RCN3: variants seen among roughly 807,000 people sequenced by gnomAD.
The protein encoded by RCN3 is reticulocalbin-3.
A neutral mutation model predicts 35.9 loss-of-function variants in RCN3; 41 were observed. The observed-to-expected ratio is 1.14, with a 90% CI of 0.89 to 1.48. RCN3 has a LOEUF of 1.48. Among genes scored for constraint, RCN3 ranks in the 40% most tolerant of loss-of-function variants. The probability of loss-of-function intolerance (pLI) is 0.00; values close to 1 mark genes in which losing one functional copy is unlikely to be tolerated. For synonymous variants in RCN3, 187 were observed against 193.4 expected (o/e 0.97, Z 0.27); for missense variants, 451 against 471.3 (o/e 0.96, Z 0.40).
At chr19:49,536,454 C>G (rs1364212480) in intron 3 of RCN3, among the ~76,000 whole-genome samples, 1 of 150,792 alleles carries the variant, frequency 6.6e-6, no homozygotes, top group Non-Finnish European at 1.5e-5. Flanking sequence ...GCGCCCACCA[C>G]CATGCCAGGC....
At position 49,543,444 on chromosome 19, in the gene RCN3, T is replaced by C. The variant is rs2080173554; in HGVS notation, c.*231T>C. ...AGGATAAGCAATACCTATTTCTGACTGAGTCTCCCAGCCCAGACCCAGGGA... is the reference window on the plus strand; with the variant it reads ...AGGATAAGCAATACCTATTTCTGACCGAGTCTCCCAGCCCAGACCCAGGGA... On this transcript the variant is annotated 3_prime_UTR_variant, in exon 7 of 7. Transcript: ENST00000270645. 7.2e-6 allele frequency: 4 copies of C among 557,262 alleles called. No individual in the cohort carries two copies. The highest frequency in any genetic ancestry group is 9.7e-6 in the Non-Finnish European group (3 of 309,496). 34.5% of individuals were successfully genotyped at this position (557,262 alleles called of 1,614,324 possible).
intron 2 of RCN3, 100 bp from the exon 3 acceptor site, chr19:49,534,093 T>G: frequency 5.0e-6 from 6 of 1,207,294 alleles, no homozygotes; most frequent in Non-Finnish European, 6.6e-6. Context: ...GACTGTATTT[T>G]CAGCCCCGGA....
chr19:49,542,654 C>G lies in RCN3; in HGVS notation c.781C>G (p.Leu261Val). The G allele has an allele frequency of 3.1e-6, 5 of 1,603,928 alleles. No homozygotes were observed. Among genetic ancestry groups the G allele is most frequent in the Non-Finnish European group, 4.3e-6 (5 of 1,176,362 alleles). Reference protein sequence around the residue: ...DFRDLNKDGHLDGSEVGHWVL... With the variant: ...DFRDLNKDGHVDGSEVGHWVL... ...CCGGGATCTGAACAAGGATGGGCACCTGGATGGGAGTGAGGTGGGCCACTG... is the reference window on the plus strand; with the variant it reads ...CCGGGATCTGAACAAGGATGGGCACGTGGATGGGAGTGAGGTGGGCCACTG... The change falls in exon 6 of 7, where the codon CTG (leucine) becomes GTG (valine). Residue 261 changes from leucine (L) to valine (V), a missense_variant. Physicochemically the swap from Leu to Val is conservative, Grantham distance 32 (BLOSUM62 1). Coordinates refer to ENST00000270645, the MANE Select transcript of RCN3 (RefSeq NM_020650.3).
chr19:49,542,405 C>G, intron 5 of RCN3, 148 bp from the exon 6 acceptor site: 2 of 581,640 alleles, frequency 3.4e-6, no homozygotes, highest in South Asian at 4.5e-5. Flanking sequence ...CTAATTCCAT[C>G]GAAACAGAAG....
At position 49,528,619 on chromosome 19, in the gene RCN3, C is replaced by T. The variant is rs142006433; in HGVS notation, c.147C>T (p.His49=). ...GCGACGCTCCCCATGATGACGCCCA[C>T]GGGAACTTCCAGTACGACCATGAGG... ...PLSDAPHDDA[H]GNFQYDHEAF... The change falls in exon 2 of 7, where the codon CAC becomes CAT. Residue 49 remains histidine (H), a synonymous_variant. Coordinates refer to ENST00000270645, the MANE Select transcript of RCN3 (RefSeq NM_020650.3). The T allele has an allele frequency of 2.4e-4, 388 of 1,612,170 alleles. 2 individuals carry two copies. In the African/African-American group the frequency reaches 4.8e-3, roughly 20 times the overall value.
Position 49,534,358 on chromosome 19 carries a change from G to A in RCN3, c.408G>A (p.Glu136=). ...DTDRDGRVGW[E]ELRNATYGHY... ...ACCGCGACGGGCGTGTGGGTTGGGA[G>A]GAGCTGCGCAACGCCACCTATGGCC... is the stretch of plus-strand genomic sequence containing the variant. Residue 136 remains glutamate (E), a synonymous_variant, in exon 3 of 7, where the codon GAG becomes GAA. Coordinates refer to ENST00000270645, the MANE Select transcript of RCN3 (RefSeq NM_020650.3). The A allele has an allele frequency of 6.5e-7, 1 of 1,536,540 alleles. No individual in the cohort carries two copies. The highest frequency in any genetic ancestry group is 8.8e-7 in the Non-Finnish European group (1 of 1,142,706).
rs544544850 is a variant in RCN3, at chr19:49,537,655, C to T, written c.618+450C>T. The stretch of plus-strand genomic sequence containing the variant: ...CCGAGTAGCTGGGATTACAGGGGCG[C>T]ACCACCACACCTGGCTAATTTTTAG... On this transcript the variant is annotated intron_variant, in intron 4 of 6. Transcript: ENST00000270645. Among the ~76,000 whole-genome samples the T allele has an allele frequency of 7.2e-5, 11 of 151,892 alleles. No individual in the cohort carries two copies. The South Asian group carries it at 2.3e-3, about 32-fold the overall frequency.
At chr19:49,528,919 T>C (rs547210676) in intron 2 of RCN3, among the ~76,000 whole-genome samples, 6 of 152,232 alleles carry the variant, frequency 3.9e-5, no homozygotes, top group Admixed American at 3.9e-4. Context: ...TGGTGGCTCA[T>C]GCCTGTAATC....
intron 2 of RCN3, among the ~76,000 whole-genome samples, chr19:49,533,647 A>AGCACGGGGCTCT (rs1244160679): frequency 2.0e-5 from 3 of 147,480 alleles, no homozygotes; most frequent in African/African-American, 7.5e-5. Context: ...CACGGGGCTC[A>AGCACGGGGCTCT]GCACAGGGCA....
chr19:49,539,126 T>G lies in RCN3; in HGVS notation c.626T>G (p.Leu209Arg). The G allele has an allele frequency of 6.2e-7, 1 of 1,604,634 alleles. No individual in the cohort carries two copies. Among genetic ancestry groups the G allele is most frequent in the Non-Finnish European group, 8.5e-7 (1 of 1,176,822 alleles). ...HMRDIVIAET[L>R]EDLDRNKDGY... Reference sequence around the variant, plus strand: ...TGCCCCTTTCTCCTCCAGGAAACCCTGGAGGACCTGGACAGAAACAAAGAT... The same window carrying G: ...TGCCCCTTTCTCCTCCAGGAAACCCGGGAGGACCTGGACAGAAACAAAGAT... Residue 209 changes from leucine (L) to arginine (R), a missense_variant, in exon 5 of 7, where the codon CTG becomes CGG. Physicochemically the swap from Leu to Arg is moderately radical, Grantham distance 102. Transcript: ENST00000270645.
chr19:49,542,684 C>G lies in RCN3; in HGVS notation c.811C>G (p.Leu271Val), dbSNP rs34218348. ...LDGSEVGHWV[L>V]PPAQDQPLVE... ...TGGGAGTGAGGTGGGCCACTGGGTG[C>G]TGCCCCCTGCCCAGGACCAGCCCCT... Residue 271 changes from leucine (L) to valine (V), a missense_variant, in exon 6 of 7, where the codon CTG (leucine) becomes GTG (valine). Leu to Val is a conservative substitution (Grantham distance 32, BLOSUM62 1). Coordinates refer to ENST00000270645, the MANE Select transcript of RCN3 (RefSeq NM_020650.3). 9.4e-4 allele frequency: 1,508 copies of G among 1,596,752 alleles called. 15 individuals are homozygous for G. The African/African-American group carries it at 0.017, about 18-fold the overall frequency.
chr19:49,540,825 T>A (rs1283287704), intron 5 of RCN3, among the ~76,000 whole-genome samples: 1 of 151,526 alleles, frequency 6.6e-6, no homozygotes, highest in Non-Finnish European at 1.5e-5. Context: ...GCTACTGACG[T>A]CTCCTGGATA....
At chr19:49,542,401 C>A in intron 5 of RCN3, 152 bp from the exon 6 acceptor site, 1 of 575,928 alleles carries the variant, frequency 1.7e-6, no homozygotes, top group Non-Finnish European at 3.1e-6. Context: ...GTTACTAATT[C>A]CATCGAAACA....
At chr19:49,533,182 A>C (rs977820589) in intron 2 of RCN3, among the ~76,000 whole-genome samples, 1 of 152,226 alleles carries the variant, frequency 6.6e-6, no homozygotes, top group African/African-American at 2.4e-5. Context: ...GCGCTTAACA[A>C]CACCAGGAAC....
chr19:49,534,853 T>C (rs535210890), intron 3 of RCN3, among the ~76,000 whole-genome samples: 57 of 152,244 alleles, frequency 3.7e-4, no homozygotes, highest in African/African-American at 1.2e-3. Flanking sequence ...CTTGTCATCC[T>C]GACCCCTAAC....
In RCN3 at chr19:49,539,118, G is replaced by A. The variant is rs1433294065; in HGVS notation, c.619-1G>A. On this transcript the variant is annotated splice_acceptor_variant, in intron 4 of 6. Coordinates refer to ENST00000270645, the MANE Select transcript of RCN3 (RefSeq NM_020650.3). LOFTEE classifies it high-confidence loss of function. ...AGCCTCAATGCCCCTTTCTCCTCCA[G>A]GAAACCCTGGAGGACCTGGACAGAA... 1 of 1,599,600 alleles carries A rather than the reference G, an allele frequency of 6.3e-7. No individual in the cohort carries two copies. The highest frequency in any genetic ancestry group is 8.5e-7 in the Non-Finnish European group (1 of 1,174,620).
rs2080173119 is a variant in RCN3 at position 49,543,344 on chromosome 19, C to A, written c.*131C>A. The A allele has an allele frequency of 6.8e-6, 5 of 740,120 alleles. No individual in the cohort carries two copies. Among genetic ancestry groups the A allele is most frequent in the Non-Finnish European group, 1.2e-5 (5 of 431,304 alleles). 45.8% of individuals were successfully genotyped at this position (740,120 alleles called of 1,614,324 possible). ...TCCCAGGCATCCTCCTGCCCCTGGG[C>A]TCTCAGGGACCCCCTGGGTCGGCTT... On this transcript the variant is annotated 3_prime_UTR_variant, in exon 7 of 7. Transcript: ENST00000270645.
At chr19:49,538,233 G>T (rs1022852505) in intron 4 of RCN3, among the ~76,000 whole-genome samples, 1 of 150,334 alleles carries the variant, frequency 6.7e-6, no homozygotes, top group Non-Finnish European at 1.5e-5. Flanking sequence ...TGCGATCTCG[G>T]CTCACTGCAA....
chr19:49,535,618 G>A (rs549727215), intron 3 of RCN3, among the ~76,000 whole-genome samples: 114 of 152,236 alleles, frequency 7.5e-4, no homozygotes, highest in African/African-American at 2.4e-3. Context: ...TTGGGAGGCC[G>A]AGGTGGGTGG....
Sources: allele counts gnomAD v4.1 joint callset (sites outside exome capture counted in the v4.1 genomes callset), GRCh38; gene constraint gnomAD v4.1.1; transcripts MANE v1.5; gene names NCBI Gene and HGNC (gene_info 2026-07-23, HGNC 2026-07-21).